ZNF558: variants seen among roughly 807,000 people sequenced by gnomAD.
ZNF558 encodes zinc finger protein 558.
In ZNF558, 23 loss-of-function variants were observed where a neutral mutation model predicts 37.6. The ratio of observed to expected loss-of-function variants is 0.61; its 90% CI spans 0.44 to 0.87. The LOEUF is 0.87. Ranked by LOEUF, ZNF558 falls within the 40% of genes least tolerant of loss-of-function variation. The probability of loss-of-function intolerance (pLI) is 0.00; values close to 1 mark genes in which losing one functional copy is unlikely to be tolerated. For synonymous variants in ZNF558, 189 were observed against 174.4 expected, an observed-to-expected ratio of 1.08 and a Z score of -0.66; for missense variants, 429 against 483.7, an observed-to-expected ratio of 0.89 and a Z score of 1.06.
rs2044115371 is a variant in ZNF558, at chr19:8,822,354, C to T, written c.32-263G>A. Among the ~76,000 whole-genome samples, 1 of 152,186 alleles carries T rather than the reference C, an allele frequency of 6.6e-6. No homozygotes were observed. The highest frequency in any genetic ancestry group is 2.1e-4 in the South Asian group (1 of 4,830). On this transcript the variant is annotated intron_variant, in intron 5 of 9. Transcript: ENST00000601372. This position sits in a 1 kb window ranked among gnomAD's most constrained non-coding sequence, Gnocchi z 4.4. ...CACTTCACAGATGAGGAAACAAGTT[C>T]CAAGGGCGTCACTGTGTTTTTATCA...
chr19:8,819,753 C>G (rs2044034425), intron 7 of ZNF558, among the ~76,000 whole-genome samples: 1 of 152,110 alleles, frequency 6.6e-6, no homozygotes, highest in South Asian at 2.1e-4. Context: ...GCCTGGCCAA[C>G]ACAGCGAAAC....
At chr19:8,836,948 C>T (rs2044462162), upstream of ZNF558, among the ~76,000 whole-genome samples, 1 of 152,120 alleles carries the variant, frequency 6.6e-6, no homozygotes, top group African/African-American at 2.4e-5. Context: ...CCAGTAAAAA[C>T]ATCATCAAAG....
intron 9 of ZNF558, 62 bp from the exon 10 acceptor site, chr19:8,812,125 C>A: frequency 7.4e-7 from 1 of 1,343,040 alleles, no homozygotes; most frequent in Non-Finnish European, 9.8e-7. Context: ...TAATGTTCTC[C>A]TAGGAATCTT....
intron 2 of ZNF558, among the ~76,000 whole-genome samples, chr19:8,826,286 T>C (rs1568475241): frequency 6.6e-6 from 1 of 151,946 alleles, no homozygotes; most frequent in Non-Finnish European, 1.5e-5. Flanking sequence ...AGGATGATGT[T>C]TTATAAGCAC....
At position 8,810,441 on chromosome 19, in the gene ZNF558, C is replaced by A; in HGVS notation, c.*840G>T. On this transcript the variant is annotated 3_prime_UTR_variant, in exon 10 of 10. Transcript: ENST00000601372. ...GTGTGAGCTGTCACATGAATCCCTG[C>A]TGATAGCACTGAAGGCTTTCTACAG... is the stretch of plus-strand genomic sequence containing the variant. 1 of 152,256 alleles carries A rather than the reference C, an allele frequency of 6.6e-6. No individual in the cohort carries two copies. The highest frequency in any genetic ancestry group is 1.5e-5 in the Non-Finnish European group (1 of 68,030). The allele number at this position is 152,256 out of a possible 1,614,324, so 9.4% of individuals were successfully genotyped here.
chr19:8,810,852 T>A lies in ZNF558; in HGVS notation c.*429A>T, dbSNP rs1555767527. 1 of 163,856 alleles carries A rather than the reference T, an allele frequency of 6.1e-6. No individual in the cohort carries two copies. The highest frequency in any genetic ancestry group is 1.3e-5 in the Non-Finnish European group (1 of 75,026). 10.2% of individuals were successfully genotyped at this position (163,856 alleles called of 1,614,324 possible). On this transcript the variant is annotated 3_prime_UTR_variant, in exon 10 of 10. Transcript: ENST00000601372. ...GCCTCTGTATTGGTCCTCTCTTGGATCACTAACCTTGGCGAGAACTTATTG... is the reference window on the plus strand; with the variant it reads ...GCCTCTGTATTGGTCCTCTCTTGGAACACTAACCTTGGCGAGAACTTATTG...
intron 2 of ZNF558, among the ~76,000 whole-genome samples, chr19:8,830,389 G>A (rs1004775638): frequency 6.6e-6 from 1 of 151,906 alleles, no homozygotes; most frequent in Admixed American, 6.6e-5. Flanking sequence ...CAATCTTTTT[G>A]GAAACCAGTT....
At chr19:8,829,088 C>T (rs1014524441) in intron 2 of ZNF558, among the ~76,000 whole-genome samples, 1 of 151,868 alleles carries the variant, frequency 6.6e-6, no homozygotes, top group Non-Finnish European at 1.5e-5. Flanking sequence ...ATGGTGAAAC[C>T]CCGTCTCTAC....
intron 4 of ZNF558, chr19:8,823,678 A>T (rs1438995274): frequency 8.1e-6 from 1 of 123,102 alleles, no homozygotes; most frequent in African/African-American, 3.2e-5. Flanking sequence ...CCCTCTCTTG[A>T]TTTCATCCTC....
chr19:8,831,689 A>G (rs2044360700), intron 1 of ZNF558, among the ~76,000 whole-genome samples: 2 of 152,228 alleles, frequency 1.3e-5, no homozygotes, highest in Non-Finnish European at 2.9e-5. Context: ...CTTTAAAAAT[A>G]TCTTGTCACT....
chr19:8,831,767 AT>A (rs535069635), intron 1 of ZNF558, among the ~76,000 whole-genome samples: 5 of 150,224 alleles, frequency 3.3e-5, no homozygotes, highest in Admixed American at 6.6e-5. Context: ...AACTGCAGAG[AT>A]TTTTTTTTTA....
At chr19:8,830,026 A>G (rs1299399777) in intron 2 of ZNF558, among the ~76,000 whole-genome samples, 1 of 152,024 alleles carries the variant, frequency 6.6e-6, no homozygotes, top group Non-Finnish European at 1.5e-5. Flanking sequence ...AATAATCCCT[A>G]TGTGTCAGAG....
At chr19:8,815,143 C>T (rs1303543659) in intron 7 of ZNF558, among the ~76,000 whole-genome samples, 1 of 152,018 alleles carries the variant, frequency 6.6e-6, no homozygotes, top group Non-Finnish European at 1.5e-5. Context: ...AGAAATTGTC[C>T]CTTCAGAAGT....
Position 8,807,440 on chromosome 19 carries a change from A to G in ZNF558, c.*3841T>C, listed in dbSNP as rs1555766436. ...TGCTGGGACCCTGACTGATGTGCCA[A>G]CTCACTGAAATAAGGAAAAGTCCTA... On this transcript the variant is annotated 3_prime_UTR_variant, in exon 10 of 10. Transcript: ENST00000601372. The G allele has an allele frequency of 6.6e-6, 1 of 152,192 alleles. No individual in the cohort carries two copies. Among genetic ancestry groups the G allele is most frequent in the African/African-American group, 2.4e-5 (1 of 41,410 alleles). 9.4% of individuals were successfully genotyped at this position (152,192 alleles called of 1,614,324 possible).
intron 2 of ZNF558, among the ~76,000 whole-genome samples, chr19:8,830,009 G>A (rs546214401): frequency 2.0e-5 from 3 of 152,220 alleles, no homozygotes; most frequent in East Asian, 1.9e-4. Flanking sequence ...ATCTCATCTC[G>A]AGTTGTAATA....
Position 8,812,556 on chromosome 19 carries a change from C to G in ZNF558, c.426+5G>C. The G allele has an allele frequency of 6.4e-7, 1 of 1,559,556 alleles. No individual in the cohort carries two copies. The highest frequency in any genetic ancestry group is 8.6e-7 in the Non-Finnish European group (1 of 1,160,204). Reference sequence around the variant, plus strand: ...AAAACCAGAAATCACCCATGTTAGTCTTACCGTTTTTACACCTTTAGACTG... The same window carrying G: ...AAAACCAGAAATCACCCATGTTAGTGTTACCGTTTTTACACCTTTAGACTG... On this transcript the variant is annotated splice_donor_5th_base_variant and intron_variant, in intron 9 of 9. Coordinates refer to ENST00000601372, the MANE Select transcript of ZNF558 (RefSeq NM_144693.3).
In ZNF558 at chr19:8,822,624, C is replaced by T. The variant is rs771842800; in HGVS notation, c.31+5G>A. On this transcript the variant is annotated splice_donor_5th_base_variant and intron_variant, in intron 5 of 9. Transcript: ENST00000601372. This position sits in a 1 kb window ranked among gnomAD's most constrained non-coding sequence, Gnocchi z 4.4. Reference sequence around the variant, plus strand: ...TCTGAGAAATGTCAGGACCCCACGACTCACCAGCAGTCGAGGGCAGGATGA... The same window carrying T: ...TCTGAGAAATGTCAGGACCCCACGATTCACCAGCAGTCGAGGGCAGGATGA... The T allele has an allele frequency of 6.2e-7, 1 of 1,614,116 alleles. No homozygotes were observed. Among genetic ancestry groups the T allele is most frequent in the Non-Finnish European group, 8.5e-7 (1 of 1,179,984 alleles).
Position 8,824,249 on chromosome 19 carries a change from GA to G in ZNF558, c.-234del, listed in dbSNP as rs1350432973. 3 of 152,264 alleles carry G rather than the reference GA, an allele frequency of 2.0e-5. No homozygotes were observed. Among genetic ancestry groups the G allele is most frequent in the Admixed American group, 2.0e-4 (3 of 15,274 alleles). The allele number at this position is 152,264 out of a possible 1,614,324, so 9.4% of individuals were successfully genotyped here. Reference sequence around the variant, plus strand: ...GGGAAGACGCTCAAGTGGCCCTGTGGAGAGGCCTATGTGGAGAGGAACTGAG... The same window carrying G: ...GGGAAGACGCTCAAGTGGCCCTGTGGGAGGCCTATGTGGAGAGGAACTGAG... On this transcript the variant is annotated 5_prime_UTR_variant, in exon 4 of 10. Coordinates refer to ENST00000601372, the MANE Select transcript of ZNF558 (RefSeq NM_144693.3).
upstream of ZNF558, among the ~76,000 whole-genome samples, chr19:8,834,153 ATAGT>A (rs1232875841): frequency 7.9e-5 from 12 of 152,350 alleles, no homozygotes; most frequent in African/African-American, 1.7e-4. Flanking sequence ...TCAGAAAAAA[ATAGT>A]TAGATCTCTG....
Sources: allele counts gnomAD v4.1 joint callset (sites outside exome capture counted in the v4.1 genomes callset), GRCh38; gene constraint gnomAD v4.1.1; non-coding constraint Gnocchi (gnomAD v3.1); transcripts MANE v1.5; gene names NCBI Gene and HGNC (gene_info 2026-07-23, HGNC 2026-07-21).